Variants in PAQR4 observed in about 807,000 individuals in gnomAD.
The protein encoded by PAQR4 is progestin and adipoQ receptor family member IV.
Under a neutral mutation model 20.9 loss-of-function variants are expected in PAQR4, and 26 were observed. The observed-to-expected ratio is 1.24, with a 90% CI of 0.91 to 1.73. The LOEUF is 1.73. Ranked by LOEUF, PAQR4 falls within the 40% of genes most tolerant of loss-of-function variation. The pLI is 0.00. For synonymous variants in PAQR4, 193 were observed against 171.6 expected (o/e 1.12, Z -0.97); for missense variants, 400 against 380.1 (o/e 1.05, Z -0.44).
Position 2,972,529 on chromosome 16 carries a change from C to A in PAQR4, c.*581C>A. 1.5e-6 allele frequency: 2 copies of A among 1,318,114 alleles called. No individual in the cohort carries two copies. The highest frequency in any genetic ancestry group is 2.5e-5 in the East Asian group (1 of 39,604). 81.7% of individuals were successfully genotyped at this position (1,318,114 alleles called of 1,614,324 possible). A position where few individuals can be genotyped will look rare whatever the true frequency, so the allele number is the denominator to read the frequency against. ...GGCACAAGGGCTGCAGCTGCTTCTT[C>A]CAGGAAACTGACACAGGGAGCTCAG... On this transcript the variant is annotated 3_prime_UTR_variant, in exon 3 of 3. Transcript: ENST00000318782.
rs201488234 is a variant in PAQR4, at chr16:2,973,261, G to A, written c.*1313G>A. 1 of 1,482,852 alleles carries A rather than the reference G, an allele frequency of 6.7e-7. No individual in the cohort carries two copies. Among genetic ancestry groups the A allele is most frequent in the Non-Finnish European group, 9.0e-7 (1 of 1,115,044 alleles). The allele number at this position is 1,482,852 out of a possible 1,614,324, so 91.9% of individuals were successfully genotyped here. ...CAAGGAGGGTGTCCAGGGCTAGGGA[G>A]TGCCGGATGAAACCAGCTCTGTCCC... On this transcript the variant is annotated 3_prime_UTR_variant, in exon 3 of 3. Transcript: ENST00000318782.
At position 2,971,957 on chromosome 16, in the gene PAQR4, G is replaced by T. The variant is rs1395528874; in HGVS notation, c.*9G>T. On this transcript the variant is annotated 3_prime_UTR_variant, in exon 3 of 3. Transcript: ENST00000318782. ...CCTGTCCCCGGGACTGAGCTGCCAT[G>T]CCAGCCTGCCCACAGCAGCCTCCTA... The T allele has an allele frequency of 6.4e-7, 1 of 1,569,768 alleles. No individual in the cohort carries two copies. The highest frequency in any genetic ancestry group is 1.7e-5 in the Admixed American group (1 of 58,066).
In PAQR4 at chr16:2,971,860, T is replaced by A. The variant is rs1350295509; in HGVS notation, c.734T>A (p.Leu245Gln). The change falls in exon 3 of 3, where the codon CTG becomes CAG. Residue 245 changes from leucine (L) to glutamine (Q), a missense_variant. Leu to Gln is a moderately radical substitution (Grantham distance 113, BLOSUM62 -2). Coordinates refer to ENST00000318782, the MANE Select transcript of PAQR4 (RefSeq NM_152341.5). Reference protein sequence around the residue: ...YWGNSHQIMHLLSVGSILQLH... With the variant: ...YWGNSHQIMHQLSVGSILQLH... ...GGCAACTCCCACCAGATCATGCACC[T>A]GCTGAGCGTGGGCTCCATCCTGCAG... is the stretch of plus-strand genomic sequence containing the variant. 1 of 1,612,020 alleles carries A rather than the reference T, an allele frequency of 6.2e-7. No homozygotes were observed. Among genetic ancestry groups the A allele is most frequent in the Admixed American group, 1.7e-5 (1 of 60,010 alleles).
chr16:2,972,270 T>C lies in PAQR4; in HGVS notation c.*322T>C. 2.0e-6 allele frequency: 1 copy of C among 498,990 alleles called. No individual in the cohort carries two copies. The highest frequency in any genetic ancestry group is 3.3e-5 in the East Asian group (1 of 30,706). The allele number at this position is 498,990 out of a possible 1,614,324, so 30.9% of individuals were successfully genotyped here. A position where few individuals can be genotyped will look rare whatever the true frequency, so the allele number is the denominator to read the frequency against. On this transcript the variant is annotated 3_prime_UTR_variant, in exon 3 of 3. Coordinates refer to ENST00000318782, the MANE Select transcript of PAQR4 (RefSeq NM_152341.5). ...GGGACTCTGGGGTCACGTCTTGCTC[T>C]GAGAGTTCAAGTCCTGCCAGGCCGC... is the stretch of plus-strand genomic sequence containing the variant.
At position 2,971,266 on chromosome 16, in the gene PAQR4, C is replaced by A; in HGVS notation, c.276C>A (p.Pro92=). Residue 92 remains proline (P), a synonymous_variant, in exon 2 of 3, where the codon CCC becomes CCA. Coordinates refer to ENST00000318782, the MANE Select transcript of PAQR4 (RefSeq NM_152341.5). Reference sequence around the variant, plus strand: ...CACATTGCGTGGCCTGCCTTGCACCCCCTGCAGGCTCCGTGCTCTATCACC... The same window carrying A: ...CACATTGCGTGGCCTGCCTTGCACCACCTGCAGGCTCCGTGCTCTATCACC... ...GGTHCVACLA[P]PAGSVLYHLF... is the part of the protein sequence containing the mutation. 1 of 1,613,136 alleles carries A rather than the reference C, an allele frequency of 6.2e-7. No individual in the cohort carries two copies. Among genetic ancestry groups the A allele is most frequent in the Non-Finnish European group, 8.5e-7 (1 of 1,180,000 alleles).
rs1213556547 is a variant in PAQR4 at position 2,973,083 on chromosome 16, G to A, written c.*1135G>A. ...GGCATCCCTGGGAGGAGAGAGTAGTGACACTCAGGATCCAAAAGCTAGCCC... is the reference window on the plus strand; with the variant it reads ...GGCATCCCTGGGAGGAGAGAGTAGTAACACTCAGGATCCAAAAGCTAGCCC... On this transcript the variant is annotated 3_prime_UTR_variant, in exon 3 of 3. Transcript: ENST00000318782. 1.3e-6 allele frequency: 2 copies of A among 1,582,492 alleles called. No individual in the cohort carries two copies. The highest frequency in any genetic ancestry group is 1.8e-5 in the Admixed American group (1 of 54,438).
rs916939829 is a variant in PAQR4 at position 2,969,503 on chromosome 16, G to T, written c.-172G>T. ...ACGGACTCGCGCGTGCGCAGCGCCGGAGGGGCGCGGGCTGGGACCCCCTAG... is the reference window on the plus strand; with the variant it reads ...ACGGACTCGCGCGTGCGCAGCGCCGTAGGGGCGCGGGCTGGGACCCCCTAG... On this transcript the variant is annotated 5_prime_UTR_variant, in exon 1 of 3. Coordinates refer to ENST00000318782, the MANE Select transcript of PAQR4 (RefSeq NM_152341.5). 1.1e-5 allele frequency: 6 copies of T among 552,640 alleles called. No individual in the cohort carries two copies. Among genetic ancestry groups the T allele is most frequent in the African/African-American group, 1.0e-4 (5 of 50,042 alleles). The allele number at this position is 552,640 out of a possible 1,614,324, so 34.2% of individuals were successfully genotyped here. A position where few individuals can be genotyped will look rare whatever the true frequency, so the allele number is the denominator to read the frequency against.
chr16:2,973,103 T>G lies in PAQR4; in HGVS notation c.*1155T>G. The G allele has an allele frequency of 6.4e-7, 1 of 1,568,920 alleles. No homozygotes were observed. The highest frequency in any genetic ancestry group is 8.7e-7 in the Non-Finnish European group (1 of 1,154,392). ...GTAGTGACACTCAGGATCCAAAAGC[T>G]AGCCCTGCCCACCCCAGCCCCTGGA... On this transcript the variant is annotated 3_prime_UTR_variant, in exon 3 of 3. Coordinates refer to ENST00000318782, the MANE Select transcript of PAQR4 (RefSeq NM_152341.5).
chr16:2,972,823 G>C lies in PAQR4; in HGVS notation c.*875G>C. Reference sequence around the variant, plus strand: ...ATGAGCAAGCTTGGGTGCTCCCAAGGTTCAAATACTTTTTATTAGACACGG... The same window carrying C: ...ATGAGCAAGCTTGGGTGCTCCCAAGCTTCAAATACTTTTTATTAGACACGG... On this transcript the variant is annotated 3_prime_UTR_variant, in exon 3 of 3. Coordinates refer to ENST00000318782, the MANE Select transcript of PAQR4 (RefSeq NM_152341.5). 40 of 1,534,030 alleles carry C rather than the reference G, an allele frequency of 2.6e-5. No homozygotes were observed. In the South Asian group the frequency reaches 4.8e-4, roughly 18 times the overall value.
chr16:2,969,984 G>A (rs977128381), intron 1 of PAQR4, 144 bp downstream of exon 1: 50 of 1,135,706 alleles, frequency 4.4e-5, no homozygotes, highest in Non-Finnish European at 5.8e-5. Context: ...CGGTGACAAA[G>A]CTGCCATTGT....
At chr16:2,970,762 C>T (rs901515505) in intron 1 of PAQR4, among the ~76,000 whole-genome samples, 2 of 152,272 alleles carry the variant, frequency 1.3e-5, no homozygotes. Context: ...CATGTGTCCT[C>T]TTCACAACTC....
rs776685080 is a variant in PAQR4, at chr16:2,971,567, G to A, written c.441G>A (p.Pro147=). 6.9e-5 allele frequency: 110 copies of A among 1,597,380 alleles called. No individual in the cohort carries two copies. Among genetic ancestry groups the A allele is most frequent in the Non-Finnish European group, 7.8e-5 (92 of 1,177,686 alleles). ...CTLACRPWLR[P]AALVGYTVLS... ...TGGCCTGCAGGCCCTGGCTGCGCCC[G>A]GCTGCCCTGGTGGGCTACACTGTGT... The change falls in exon 3 of 3, where the codon CCG becomes CCA. Residue 147 remains proline (P), a synonymous_variant. Transcript: ENST00000318782.
At position 2,971,710 on chromosome 16, in the gene PAQR4, T is replaced by C; in HGVS notation, c.584T>C (p.Leu195Pro). 2 of 1,612,544 alleles carry C rather than the reference T, an allele frequency of 1.2e-6. No homozygotes were observed. The highest frequency in any genetic ancestry group is 1.1e-5 in the South Asian group (1 of 91,066). ...GTATTTGGGGCCCGGGGAGTGGGTC[T>C]GGGTTCAGGGGCTCCAGGCTCCCTG... ...LLVFGARGVG[L>P]GSGAPGSLPC... The change falls in exon 3 of 3, where the codon CTG becomes CCG. Residue 195 changes from leucine to proline, a missense_variant. By Grantham distance (98) the Leu-to-Pro change is moderately conservative (BLOSUM62 -3). Coordinates refer to ENST00000318782, the MANE Select transcript of PAQR4 (RefSeq NM_152341.5).
rs554841622 is a variant in PAQR4, at chr16:2,971,774, G to A, written c.648G>A (p.Gly216=). The A allele has an allele frequency of 1.9e-6, 3 of 1,612,974 alleles. No individual in the cohort carries two copies. The South Asian group carries it at 3.3e-5, about 18-fold the overall frequency. The change falls in exon 3 of 3, where the codon GGG becomes GGA. Residue 216 remains glycine, a synonymous_variant. Transcript: ENST00000318782. ...GCATGGACGCACTGGCGCTGCTTGG[G>A]GGACTGGTAAATGTAGCCCGTCTGC... ...YLRMDALALL[G]GLVNVARLPE...
rs866860218 is a variant in PAQR4, at chr16:2,973,206, G to A, written c.*1258G>A. ...TCCGGGCCAGGACAGCCTCAGGGGA[G>A]AGTGAAGGCCTGCAGGAGGGCAGGC... On this transcript the variant is annotated 3_prime_UTR_variant, in exon 3 of 3. Coordinates refer to ENST00000318782, the MANE Select transcript of PAQR4 (RefSeq NM_152341.5). The A allele has an allele frequency of 5.3e-6, 8 of 1,507,714 alleles. No individual in the cohort carries two copies. In the African/African-American group the frequency reaches 6.9e-5, roughly 13 times the overall value. 93.4% of individuals were successfully genotyped at this position (1,507,714 alleles called of 1,614,324 possible).
Position 2,973,424 on chromosome 16 carries a change from T to A in PAQR4, c.*1476T>A, listed in dbSNP as rs768991811. 10 of 1,532,736 alleles carry A rather than the reference T, an allele frequency of 6.5e-6. No homozygotes were observed. The highest frequency in any genetic ancestry group is 8.7e-6 in the Non-Finnish European group (10 of 1,144,524). 94.9% of individuals were successfully genotyped at this position (1,532,736 alleles called of 1,614,324 possible). A position where few individuals can be genotyped will look rare whatever the true frequency, so the allele number is the denominator to read the frequency against. On this transcript the variant is annotated 3_prime_UTR_variant, in exon 3 of 3. Coordinates refer to ENST00000318782, the MANE Select transcript of PAQR4 (RefSeq NM_152341.5). ...TCTGGCTGCACTCCAAGGCCCCCTC[T>A]GTCCTTTTCAGAACACATGGACTTG... is the stretch of plus-strand genomic sequence containing the variant.
Position 2,969,364 on chromosome 16 carries a change from A to G in PAQR4, c.-311A>G, listed in dbSNP as rs940250819. ...CCTGGCTGCAGAGAGACTACCGGCC[A>G]CCGCCGCCGCCGCCGCCGCGAGCTG... is the stretch of plus-strand genomic sequence containing the variant. On this transcript the variant is annotated 5_prime_UTR_variant, in exon 1 of 3. Coordinates refer to ENST00000318782, the MANE Select transcript of PAQR4 (RefSeq NM_152341.5). 14 of 161,922 alleles carry G rather than the reference A, an allele frequency of 8.6e-5. No homozygotes were observed. The highest frequency in any genetic ancestry group is 2.8e-3 in the Middle Eastern group (1 of 360). The allele number at this position is 161,922 out of a possible 1,614,324, so 10.0% of individuals were successfully genotyped here.
chr16:2,969,841 G>C lies in PAQR4; in HGVS notation c.166+1G>C, dbSNP rs1426974269. ...GAACTGGGCAACATCTACACGCACG[G>C]TGAGCCGCGTCCCGCAACGCGCTTC... On this transcript the variant is annotated splice_donor_variant, in intron 1 of 2. Transcript: ENST00000318782. LOFTEE classifies it high-confidence loss of function. The C allele has an allele frequency of 6.2e-7, 1 of 1,609,690 alleles. No individual in the cohort carries two copies. The highest frequency in any genetic ancestry group is 2.3e-5 in the East Asian group (1 of 44,420).
At chr16:2,971,492 T>A in intron 2 of PAQR4, 23 bp from the exon 3 acceptor site, 1 of 1,576,880 alleles carries the variant, frequency 6.3e-7, no homozygotes, top group South Asian at 1.1e-5. Flanking sequence ...ACATGCCCTC[T>A]CCTGTTCTCT....
Sources: gnomAD v4.1 joint callset for allele counts (sites outside exome capture counted in the v4.1 genomes callset) on GRCh38, gnomAD v4.1.1 for gene constraint, MANE v1.5 for transcripts, NCBI Gene and HGNC (gene_info 2026-07-23, HGNC 2026-07-21) for gene names.